QRICH1: variants seen among roughly 807,000 people sequenced by gnomAD.
QRICH1 encodes transcriptional regulator QRICH1.
Under a neutral mutation model 87.1 loss-of-function variants are expected in QRICH1, and 16 were observed. That is an observed-to-expected ratio of 0.18 (90% CI 0.12 to 0.28). The LOEUF (loss-of-function observed/expected upper bound fraction) is 0.28. Among genes scored for constraint, QRICH1 ranks in the 10% least tolerant of loss-of-function variants. The pLI, the probability that QRICH1 is intolerant of heterozygous loss-of-function variation, is 1.00. For missense variants in QRICH1, 647 were observed against 951.7 expected, an observed-to-expected ratio of 0.68 and a Z score of 4.21; for synonymous variants, 367 against 368.4, an observed-to-expected ratio of 1.00 and a Z score of 0.05.
At chr3:49,071,227 G>A (rs1195680801) in intron 2 of QRICH1, among the ~76,000 whole-genome samples, 1 of 151,998 alleles carries the variant, frequency 6.6e-6, no homozygotes, top group African/African-American at 2.4e-5. Context: ...ACCAGGCCTG[G>A]CTAATTTTTT....
chr3:49,076,429 T>C lies in QRICH1; in HGVS notation c.309+280A>G, dbSNP rs147236651. Among the ~76,000 whole-genome samples the C allele has an allele frequency of 8.0e-4, 121 of 151,652 alleles. 1 individual carries two copies. The East Asian group carries it at 0.014, about 18-fold the overall frequency. On this transcript the variant is annotated intron_variant, in intron 2 of 9. Transcript: ENST00000395443. ...GTTGAACCTGATGCTAAACCAATCA[T>C]AGATGACCCGCTTCTGGGTTGGGGT...
chr3:49,088,404 C>T (rs2042210815), intron 1 of QRICH1, among the ~76,000 whole-genome samples: 1 of 152,056 alleles, frequency 6.6e-6, no homozygotes, highest in South Asian at 2.1e-4. Flanking sequence ...AAGTGGTTCT[C>T]CTGCCTCAAG....
Position 49,057,652 on chromosome 3 carries a change from G to A in QRICH1, c.548C>T (p.Ala183Val). The A allele has an allele frequency of 6.2e-7, 1 of 1,614,204 alleles. No homozygotes were observed. Among genetic ancestry groups the A allele is most frequent in the Non-Finnish European group, 8.5e-7 (1 of 1,180,038 alleles). The change falls in exon 3 of 10, where the codon GCA becomes GTA. Residue 183 changes from alanine to valine, a missense_variant. Ala to Val is a moderately conservative substitution (Grantham distance 64). Around this residue, in one of 7 missense-constraint regions of QRICH1, gnomAD observed 156 missense variants for 164.5 expected, o/e 0.95. Coordinates refer to ENST00000395443, the MANE Select transcript of QRICH1 (RefSeq NM_198880.3). This position sits in a 1 kb window ranked among gnomAD's most constrained non-coding sequence, Gnocchi z 5.4. Reference protein sequence around the residue: ...HVQAAQQIQAAEIPEEHIPHQ... With the variant: ...HVQAAQQIQAVEIPEEHIPHQ... ...TGGGATGTGCTCCTCCGGGATTTCT[G>A]CAGCCTGGATCTGCTGGGCTGCTTG...
chr3:49,048,130 CT>C (rs34861445), intron 3 of QRICH1, among the ~76,000 whole-genome samples: 93,165 of 142,050 alleles, frequency 0.66, 30,557 homozygotes, highest in East Asian at 0.95. Context: ...TTCTTTCTTT[CT>C]TTTTTTTTTT....
intron 2 of QRICH1, among the ~76,000 whole-genome samples, chr3:49,069,549 T>TA (rs1232771242): frequency 2.7e-5 from 4 of 149,726 alleles, no homozygotes; most frequent in African/African-American, 7.4e-5. Context: ...GGGAATTTTT[T>TA]TTTTTTTTTT....
Position 49,057,548 on chromosome 3 carries a change from C to T in QRICH1, c.652G>A (p.Ala218Thr). ...GQQIQIQTVG[A>T]LSPPPSQQGS... ...TGCTGGGATGGTGGTGGGGAAAGGG[C>T]ACCCACGGTCTGGATTTGGATCTGC... Residue 218 changes from alanine (A) to threonine (T), a missense_variant, in exon 3 of 10, where the codon GCC (alanine) becomes ACC (threonine). Physicochemically the swap from Ala to Thr is moderately conservative, Grantham distance 58. Coordinates refer to ENST00000395443, the MANE Select transcript of QRICH1 (RefSeq NM_198880.3). The surrounding 1 kb of genome is among the most constrained non-coding windows in gnomAD (Gnocchi z 5.4). 1 of 1,613,112 alleles carries T rather than the reference C, an allele frequency of 6.2e-7. No homozygotes were observed. Among genetic ancestry groups the T allele is most frequent in the Non-Finnish European group, 8.5e-7 (1 of 1,179,360 alleles).
At chr3:49,040,810 G>A (rs2093305533) in intron 6 of QRICH1, among the ~76,000 whole-genome samples, 1 of 152,144 alleles carries the variant, frequency 6.6e-6, no homozygotes, top group Admixed American at 6.6e-5. Flanking sequence ...CTTCCAAAGT[G>A]GTTGTGTCTT....
chr3:49,051,591 C>G lies in QRICH1; in HGVS notation c.1339-4345G>C, dbSNP rs1009755242. Among the ~76,000 whole-genome samples the G allele has an allele frequency of 1.3e-4, 18 of 137,300 alleles. 3 individuals are homozygous for G. The South Asian group carries it at 3.8e-3, about 29-fold the overall frequency. 90.1% of individuals were successfully genotyped at this position (137,300 alleles called of 152,430 possible). ...AGCTAGAACCCCCCCTGCGCCCCCC[C>G]CCCCCTCCGCTTAATATACCTAGTG... On this transcript the variant is annotated intron_variant, in intron 3 of 9. Coordinates refer to ENST00000395443, the MANE Select transcript of QRICH1 (RefSeq NM_198880.3).
chr3:49,087,928 A>G (rs2042200481), intron 1 of QRICH1, among the ~76,000 whole-genome samples: 1 of 149,404 alleles, frequency 6.7e-6, no homozygotes, highest in South Asian at 2.1e-4. Flanking sequence ...TTTTTTTTCC[A>G]TGTGAATATA....
intron 1 of QRICH1, among the ~76,000 whole-genome samples, chr3:49,091,233 A>G (rs1431892070): frequency 6.6e-6 from 1 of 152,200 alleles, no homozygotes; most frequent in Non-Finnish European, 1.5e-5. Context: ...AAAAAATAAT[A>G]ATAAAAATAA....
At chr3:49,068,122 A>G (rs2093478677) in intron 2 of QRICH1, among the ~76,000 whole-genome samples, 1 of 152,164 alleles carries the variant, frequency 6.6e-6, no homozygotes, top group Admixed American at 6.6e-5. Flanking sequence ...TCAGGAGGCT[A>G]TGGCAGGAGG....
intron 5 of QRICH1, among the ~76,000 whole-genome samples, chr3:49,045,034 A>G (rs2093331096): frequency 6.6e-6 from 1 of 152,082 alleles, no homozygotes; most frequent in African/African-American, 2.4e-5. Flanking sequence ...AGTAAGCCCT[A>G]TTCTATTATA....
At chr3:49,049,931 G>T (rs900148862) in intron 3 of QRICH1, among the ~76,000 whole-genome samples, 1 of 151,960 alleles carries the variant, frequency 6.6e-6, no homozygotes, top group African/African-American at 2.4e-5. Context: ...AGCTGGGCGC[G>T]GTGGCTCACA....
chr3:49,030,295 GC>G lies in QRICH1; in HGVS notation c.*156del, dbSNP rs1253406133. On this transcript the variant is annotated 3_prime_UTR_variant, in exon 10 of 10. Transcript: ENST00000395443. ...GCAGGTTTATGAAGATGCAAAGGGGGCAAAGTTTTCTTTTATATTTTAAACA... is the reference window on the plus strand; with the variant it reads ...GCAGGTTTATGAAGATGCAAAGGGGGAAAGTTTTCTTTTATATTTTAAACA... 1.5e-5 allele frequency: 11 copies of G among 712,590 alleles called. No homozygotes were observed. Among genetic ancestry groups the G allele is most frequent in the Admixed American group, 1.3e-4 (4 of 31,294 alleles). The allele number at this position is 712,590 out of a possible 1,614,324, so 44.1% of individuals were successfully genotyped here.
intron 1 of QRICH1, among the ~76,000 whole-genome samples, chr3:49,080,393 G>A (rs964718279): frequency 6.6e-6 from 1 of 151,746 alleles, no homozygotes; most frequent in Non-Finnish European, 1.5e-5. Flanking sequence ...TGTTTTGTCT[G>A]AAGTCTGGGA....
intron 1 of QRICH1, among the ~76,000 whole-genome samples, chr3:49,078,520 G>A (rs565885665): frequency 8.0e-4 from 110 of 137,458 alleles, no homozygotes; most frequent in Non-Finnish European, 1.4e-3. Flanking sequence ...TCAGCCTCCC[G>A]AGTAGCTGGG....
chr3:49,080,402 G>GA (rs1448523015), intron 1 of QRICH1, among the ~76,000 whole-genome samples: 4 of 151,378 alleles, frequency 2.6e-5, no homozygotes, highest in Admixed American at 1.3e-4. Context: ...TGAAGTCTGG[G>GA]AAAAAACAAA....
At chr3:49,048,194 A>G (rs1436207088) in intron 3 of QRICH1, among the ~76,000 whole-genome samples, 1 of 150,584 alleles carries the variant, frequency 6.6e-6, no homozygotes. Flanking sequence ...GTGCAATGGC[A>G]GGATCTCGGC....
chr3:49,077,953 C>A (rs1321973604), intron 1 of QRICH1, among the ~76,000 whole-genome samples: 1 of 152,126 alleles, frequency 6.6e-6, no homozygotes, highest in East Asian at 1.9e-4. Context: ...AACCTGCAGA[C>A]GTACAGTTAA....
Sources: gnomAD v4.1 joint callset for allele counts (sites outside exome capture counted in the v4.1 genomes callset) on GRCh38, gnomAD v4.1.1 for gene constraint, gnomAD v4.1.1 regional missense constraint, Gnocchi (gnomAD v3.1) non-coding constraint, MANE v1.5 for transcripts, NCBI Gene and HGNC (gene_info 2026-07-23, HGNC 2026-07-21) for gene names.